GABRB3: variants seen among roughly 807,000 people sequenced by gnomAD.
The protein encoded by GABRB3 is gamma-aminobutyric acid type A receptor subunit beta3.
GABRB3 carries 14 observed loss-of-function variants against 52.1 expected under a neutral mutation model. That is an observed-to-expected ratio of 0.27 (90% CI 0.18 to 0.42). The LOEUF (loss-of-function observed/expected upper bound fraction) is 0.42. GABRB3 is among the 10% of genes least tolerant of loss of function. GABRB3 has a pLI of 1.00. For missense variants in GABRB3, 307 were observed against 609.1 expected, an observed-to-expected ratio of 0.50 and a Z score of 5.22; for synonymous variants, 260 against 232.3, an observed-to-expected ratio of 1.12 and a Z score of -1.08.
chr15:26,712,186 T>C (rs1889320824), intron 3 of GABRB3, among the ~76,000 whole-genome samples: 1 of 151,610 alleles, frequency 6.6e-6, no homozygotes, highest in African/African-American at 2.4e-5. Context: ...TTCTTTTTTT[T>C]TTTTTGTTAT....
intron 3 of GABRB3, among the ~76,000 whole-genome samples, chr15:26,626,675 C>A (rs1479651677): frequency 6.6e-6 from 1 of 152,174 alleles, no homozygotes; most frequent in Non-Finnish European, 1.5e-5. Context: ...GGAGTAAAAT[C>A]CTGACTCTCT....
chr15:26,680,431 C>T (rs1053013689), intron 3 of GABRB3, among the ~76,000 whole-genome samples: 3 of 152,024 alleles, frequency 2.0e-5, no homozygotes, highest in East Asian at 3.9e-4. Flanking sequence ...TCCTACTTTG[C>T]TCACACCCTA....
At chr15:26,633,562 C>A (rs543466597) in intron 3 of GABRB3, among the ~76,000 whole-genome samples, 5 of 152,216 alleles carry the variant, frequency 3.3e-5, no homozygotes, top group African/African-American at 4.8e-5. Context: ...GTTCTTTCAC[C>A]GGCAGCCCCT....
Position 26,699,778 on chromosome 15 carries a change from TAA to T in GABRB3, c.240+72622_240+72623del, listed in dbSNP as rs578196566. On this transcript the variant is annotated intron_variant, in intron 3 of 8. Coordinates refer to ENST00000311550, the MANE Select transcript of GABRB3 (RefSeq NM_000814.6). ...TACAGAGAGCAAACAAAAGAAAAAA[TAA>T]AAGAGCGTAAGTGAGATTTTTGAAT... Among the ~76,000 whole-genome samples, 63 of 151,044 alleles carry T rather than the reference TAA, an allele frequency of 4.2e-4. 2 individuals carry two copies. In the Middle Eastern group the frequency reaches 0.021, roughly 50 times the overall value.
chr15:26,611,830 TA>T (rs1451833360), intron 4 of GABRB3: 1 of 152,228 alleles, frequency 6.6e-6, no homozygotes, highest in African/African-American at 2.4e-5. Flanking sequence ...TTGATGAAAG[TA>T]AATAAGAAAT....
intron 6 of GABRB3, among the ~76,000 whole-genome samples, chr15:26,568,759 C>T (rs910529824): frequency 6.6e-6 from 1 of 150,908 alleles, no homozygotes; most frequent in African/African-American, 2.4e-5. Flanking sequence ...TTGTGATCCA[C>T]CCACCTCGGC....
At chr15:26,559,399 G>T (rs1222397114) in intron 8 of GABRB3, among the ~76,000 whole-genome samples, 2 of 152,172 alleles carry the variant, frequency 1.3e-5, no homozygotes, top group African/African-American at 2.4e-5. Flanking sequence ...TGTAAAACCT[G>T]CAGAACTGTG....
intron 3 of GABRB3, among the ~76,000 whole-genome samples, chr15:26,760,095 G>A (rs779619667): frequency 1.3e-5 from 2 of 152,186 alleles, no homozygotes; most frequent in Admixed American, 6.5e-5. Context: ...TGAAGAAAGA[G>A]TTTTCGGGTT....
intron 3 of GABRB3, among the ~76,000 whole-genome samples, chr15:26,700,840 G>C (rs1309547238): frequency 1.3e-5 from 2 of 152,190 alleles, no homozygotes. Flanking sequence ...CAGATCATGA[G>C]GTCAGGAGGT....
At chr15:26,549,334 C>T (rs760046970) in intron 8 of GABRB3, among the ~76,000 whole-genome samples, 102 of 152,164 alleles carry the variant, frequency 6.7e-4, no homozygotes, top group Admixed American at 1.2e-3. Flanking sequence ...ATAAGACCGC[C>T]GGTGGGATGG....
chr15:26,739,716 G>A (rs935869443), intron 3 of GABRB3, among the ~76,000 whole-genome samples: 1 of 152,174 alleles, frequency 6.6e-6, no homozygotes, highest in East Asian at 1.9e-4. Flanking sequence ...GTATATTTGG[G>A]GGGATATATG....
intron 3 of GABRB3, among the ~76,000 whole-genome samples, chr15:26,744,662 G>A (rs1180904896): frequency 6.6e-6 from 1 of 152,126 alleles, no homozygotes; most frequent in Non-Finnish European, 1.5e-5. Context: ...CTGACCTCAG[G>A]TGATCTGCCC....
intron 3 of GABRB3, chr15:26,658,770 C>G (rs1480232192): frequency 6.6e-6 from 1 of 152,212 alleles, no homozygotes; most frequent in Non-Finnish European, 1.5e-5. Flanking sequence ...TGCTGATTTC[C>G]TCACCCATAG....
At position 26,772,382 on chromosome 15, in the gene GABRB3, C is replaced by G; in HGVS notation, c.240+20G>C. 1 of 1,602,084 alleles carries G rather than the reference C, an allele frequency of 6.2e-7. No individual in the cohort carries two copies. Among genetic ancestry groups the G allele is most frequent in the Non-Finnish European group, 8.5e-7 (1 of 1,174,226 alleles). On this transcript the variant is annotated intron_variant, in intron 3 of 8. Coordinates refer to ENST00000311550, the MANE Select transcript of GABRB3 (RefSeq NM_000814.6). Reference sequence around the variant, plus strand: ...GCGGGCCGGGGGCTCAGGGACCGCCCTGGGAGGGCGGGCACTCACCATGTT... The same window carrying G: ...GCGGGCCGGGGGCTCAGGGACCGCCGTGGGAGGGCGGGCACTCACCATGTT...
intron 3 of GABRB3, among the ~76,000 whole-genome samples, chr15:26,697,378 T>C (rs1205067266): frequency 6.6e-6 from 1 of 152,144 alleles, no homozygotes; most frequent in Non-Finnish European, 1.5e-5. Context: ...AGAAAGAACA[T>C]TTTCTGGAGA....
chr15:26,611,154 TATA>T (rs1215700641), intron 4 of GABRB3, among the ~76,000 whole-genome samples: 2 of 152,154 alleles, frequency 1.3e-5, no homozygotes, highest in African/African-American at 4.8e-5. Flanking sequence ...ACTAGTTTTG[TATA>T]ATATCTCAGT....
intron 3 of GABRB3, chr15:26,629,323 A>C (rs1436090305): frequency 1.6e-6 from 1 of 642,482 alleles, no homozygotes; most frequent in African/African-American, 1.9e-5. Flanking sequence ...GGCCCAGCTC[A>C]GGAGCCTGGC....
chr15:26,764,463 T>C (rs1053898458), intron 3 of GABRB3, among the ~76,000 whole-genome samples: 3 of 151,970 alleles, frequency 2.0e-5, no homozygotes, highest in Non-Finnish European at 4.4e-5. Flanking sequence ...CTGTAGTAAA[T>C]GCTTCTGTGA....
intron 3 of GABRB3, among the ~76,000 whole-genome samples, chr15:26,689,166 C>G (rs1888500519): frequency 6.6e-6 from 1 of 152,196 alleles, no homozygotes. Context: ...CCGCCTGGGA[C>G]AGTCTTGGTC....
Sources: allele counts gnomAD v4.1 joint callset (sites outside exome capture counted in the v4.1 genomes callset), GRCh38; gene constraint gnomAD v4.1.1; transcripts MANE v1.5; gene names NCBI Gene and HGNC (gene_info 2026-07-23, HGNC 2026-07-21).